The following FAR2 variants were observed in gnomAD, a reference collection of about 807,000 sequenced individuals.
FAR2 encodes the protein epididymis secretory protein Li 81.
In FAR2, 19 loss-of-function variants were observed where a neutral mutation model predicts 56.0. The ratio of observed to expected loss-of-function variants is 0.34; its 90% CI spans 0.24 to 0.50. The LOEUF is 0.50. FAR2 is among the 20% of genes least tolerant of loss of function. The pLI, the probability that FAR2 is intolerant of heterozygous loss-of-function variation, is 0.98. For synonymous variants in FAR2, 219 were observed against 218.8 expected (o/e 1.00, Z -0.01); for missense variants, 508 against 642.2 (o/e 0.79, Z 2.26).
chr12:29,258,306 G>T (rs186753343), intron 1 of FAR2, among the ~76,000 whole-genome samples: 1 of 152,180 alleles, frequency 6.6e-6, no homozygotes, highest in Non-Finnish European at 1.5e-5. Context: ...AGTGAGCCGA[G>T]ATCGCACCAC....
chr12:29,327,616 TG>T (rs1677560864), intron 10 of FAR2, among the ~76,000 whole-genome samples: 3 of 152,214 alleles, frequency 2.0e-5, no homozygotes, highest in African/African-American at 7.2e-5. Flanking sequence ...TACAACTATC[TG>T]ATCTTTGACA....
intron 1 of FAR2, among the ~76,000 whole-genome samples, chr12:29,253,551 C>G (rs190242403): frequency 1.1e-3 from 170 of 152,056 alleles, no homozygotes; most frequent in African/African-American, 3.9e-3. Flanking sequence ...GCCTTTAATT[C>G]TAAGCAAAGC....
At chr12:29,231,263 C>G (rs1254221441) in intron 1 of FAR2, among the ~76,000 whole-genome samples, 1 of 152,076 alleles carries the variant, frequency 6.6e-6, no homozygotes, top group Non-Finnish European at 1.5e-5. Context: ...TAGACGTGAC[C>G]AGGCAGAAGA....
At chr12:29,152,622 T>C (rs1181428002) in intron 1 of FAR2, among the ~76,000 whole-genome samples, 1 of 152,256 alleles carries the variant, frequency 6.6e-6, no homozygotes, top group African/African-American at 2.4e-5. Context: ...ATGCAATTAC[T>C]CTGTGCAGGG....
chr12:29,224,377 T>C (rs895930066), intron 1 of FAR2, among the ~76,000 whole-genome samples: 1 of 152,228 alleles, frequency 6.6e-6, no homozygotes, highest in African/African-American at 2.4e-5. Context: ...AGTCTAAGGC[T>C]TTTCATATAG....
chr12:29,157,880 CA>C, intron 1 of FAR2, among the ~76,000 whole-genome samples: 1 of 152,216 alleles, frequency 6.6e-6, no homozygotes, highest in Middle Eastern at 3.4e-3. Flanking sequence ...GTCAAGAAAC[CA>C]AAAGAATCTG....
intron 1 of FAR2, among the ~76,000 whole-genome samples, chr12:29,179,567 T>C (rs1949973299): frequency 6.6e-6 from 1 of 152,328 alleles, no homozygotes; most frequent in South Asian, 2.1e-4. Context: ...CGACCTATCA[T>C]ACTAAGACTC....
At chr12:29,206,451 G>A (rs1201716274) in intron 1 of FAR2, among the ~76,000 whole-genome samples, 2 of 152,186 alleles carry the variant, frequency 1.3e-5, no homozygotes, top group Non-Finnish European at 1.5e-5. Context: ...TGAGAGCCCT[G>A]CCCCATGGTA....
At chr12:29,184,675 G>A (rs577756915) in intron 1 of FAR2, among the ~76,000 whole-genome samples, 7 of 151,934 alleles carry the variant, frequency 4.6e-5, no homozygotes, top group South Asian at 4.2e-4. Flanking sequence ...GACATCAAGC[G>A]ATCCACCCAC....
chr12:29,329,388 A>C (rs75171917), intron 10 of FAR2, among the ~76,000 whole-genome samples: 6,411 of 152,246 alleles, frequency 0.042, 444 homozygotes, highest in African/African-American at 0.15. Flanking sequence ...ACCTTTCAAA[A>C]TTTTATGAAA....
At chr12:29,215,080 T>C (rs1280128012) in intron 1 of FAR2, among the ~76,000 whole-genome samples, 2 of 152,134 alleles carry the variant, frequency 1.3e-5, no homozygotes, top group African/African-American at 4.8e-5. Context: ...GACTGTGGCA[T>C]GTTCAAGAAT....
intron 1 of FAR2, among the ~76,000 whole-genome samples, chr12:29,265,495 C>A (rs1278059468): frequency 6.6e-6 from 1 of 152,118 alleles, no homozygotes; most frequent in Non-Finnish European, 1.5e-5. Context: ...TGAAACTAGA[C>A]CCCTATCTCT....
At chr12:29,153,284 TGACAAAGAAA>T (rs1383232786) in intron 1 of FAR2, among the ~76,000 whole-genome samples, 4 of 152,166 alleles carry the variant, frequency 2.6e-5, no homozygotes, top group Non-Finnish European at 4.4e-5. Context: ...GCTTGCTCTT[TGACAAAGAAA>T]GATTTCAATT....
chr12:29,186,571 A>AT (rs1020124380), intron 1 of FAR2, among the ~76,000 whole-genome samples: 6 of 151,668 alleles, frequency 4.0e-5, no homozygotes, highest in Admixed American at 2.0e-4. Context: ...TCACTTGAGT[A>AT]TTTTTTTTAG....
intron 4 of FAR2, among the ~76,000 whole-genome samples, chr12:29,299,071 G>A (rs2136763518): frequency 6.6e-6 from 1 of 152,104 alleles, no homozygotes; most frequent in South Asian, 2.1e-4. Flanking sequence ...AAATTAGCTA[G>A]GTGTGGTGGC....
intron 4 of FAR2, among the ~76,000 whole-genome samples, chr12:29,300,244 T>G (rs2136766042): frequency 1.3e-5 from 2 of 152,326 alleles, no homozygotes; most frequent in South Asian, 2.1e-4. Flanking sequence ...TCCCCACATC[T>G]TACCCTTGTT....
At chr12:29,316,318 T>C (rs1044785895) in intron 8 of FAR2, among the ~76,000 whole-genome samples, 4 of 152,284 alleles carry the variant, frequency 2.6e-5, no homozygotes, top group South Asian at 2.1e-4. Flanking sequence ...GAGTGGACAA[T>C]TGAGTCTAAC....
chr12:29,169,464 G>A (rs1423884398), intron 1 of FAR2, among the ~76,000 whole-genome samples: 1 of 152,206 alleles, frequency 6.6e-6, no homozygotes, highest in Non-Finnish European at 1.5e-5. Context: ...GCGAGTAATA[G>A]CAAGATGGCA....
chr12:29,299,213 CAAAA>C lies in FAR2; in HGVS notation c.545+2032_545+2035del, dbSNP rs71042981. 7.6e-3 allele frequency among the ~76,000 whole-genome samples: 789 copies of C among 103,558 alleles called. 9 individuals carry two copies. Among genetic ancestry groups the C allele is most frequent in the African/African-American group, 0.028 (729 of 25,868 alleles). 67.9% of individuals were successfully genotyped at this position (103,558 alleles called of 152,430 possible). A position where few individuals can be genotyped will look rare whatever the true frequency, so the allele number is the denominator to read the frequency against. On this transcript the variant is annotated intron_variant, in intron 4 of 11. Coordinates refer to ENST00000536681, the MANE Select transcript of FAR2 (RefSeq NM_001271783.2). ...GGTCAACAAGAGCAAAACTTTGTCT[CAAAA>C]AAAAAAAAAAAAAAAAAAGAAAGAA... is the stretch of plus-strand genomic sequence containing the variant.
Sources: allele counts gnomAD v4.1 joint callset (sites outside exome capture counted in the v4.1 genomes callset), GRCh38; gene constraint gnomAD v4.1.1; transcripts MANE v1.5; gene names NCBI Gene and HGNC (gene_info 2026-07-23, HGNC 2026-07-21).